IMMP2L: variants seen among roughly 807,000 people sequenced by gnomAD.
The protein encoded by IMMP2L is mitochondrial inner membrane protease subunit 2.
IMMP2L carries 18 observed loss-of-function variants against 19.3 expected under a neutral mutation model. That is an observed-to-expected ratio of 0.93 (90% CI 0.64 to 1.38). IMMP2L has a LOEUF of 1.38. Ranked by LOEUF, IMMP2L falls within the 40% of genes most tolerant of loss-of-function variation. The pLI is 0.00. For missense variants in IMMP2L, 233 were observed against 218.2 expected, an observed-to-expected ratio of 1.07 and a Z score of -0.43; for synonymous variants, 76 against 73.0, an observed-to-expected ratio of 1.04 and a Z score of -0.21.
At chr7:111,516,878 AG>A (rs1301820663) in intron 2 of IMMP2L, among the ~76,000 whole-genome samples, 6 of 152,140 alleles carry the variant, frequency 3.9e-5, no homozygotes, top group Non-Finnish European at 8.8e-5. Flanking sequence ...GACCAAGGTG[AG>A]TGACGACACA....
intron 1 of IMMP2L, among the ~76,000 whole-genome samples, chr7:111,559,063 TC>T (rs1791714916): frequency 6.6e-6 from 1 of 152,066 alleles, no homozygotes; most frequent in Non-Finnish European, 1.5e-5. Context: ...CGGTGGGCTG[TC>T]ATTTGACTAA....
chr7:110,826,517 A>G (rs1270143549), intron 5 of IMMP2L, among the ~76,000 whole-genome samples: 2 of 152,200 alleles, frequency 1.3e-5, no homozygotes, highest in African/African-American at 4.8e-5. Context: ...ATAAAAAAGG[A>G]TGAGTTCATG....
intron 3 of IMMP2L, among the ~76,000 whole-genome samples, chr7:111,250,094 C>T (rs562354376): frequency 3.3e-5 from 5 of 152,198 alleles, no homozygotes; most frequent in South Asian, 2.1e-4. Context: ...AAATCGCTAA[C>T]GTTCCTATAC....
intron 5 of IMMP2L, among the ~76,000 whole-genome samples, chr7:110,808,483 T>C (rs1383598131): frequency 6.6e-6 from 1 of 152,028 alleles, no homozygotes; most frequent in African/African-American, 2.4e-5. Flanking sequence ...AGCTATTAAT[T>C]GACTTAGCTC....
At chr7:111,165,867 T>C (rs1805763876) in intron 3 of IMMP2L, among the ~76,000 whole-genome samples, 2 of 152,034 alleles carry the variant, frequency 1.3e-5, no homozygotes, top group Admixed American at 6.6e-5. Context: ...TTATCAGGAT[T>C]ATAGTGCATT....
chr7:111,515,944 A>G (rs1845836795), intron 2 of IMMP2L, among the ~76,000 whole-genome samples: 1 of 152,150 alleles, frequency 6.6e-6, no homozygotes, highest in Admixed American at 6.5e-5. Flanking sequence ...GAGAAGGAAT[A>G]GTATAAACAG....
At chr7:110,787,752 G>C (rs183038461) in intron 5 of IMMP2L, among the ~76,000 whole-genome samples, 2 of 151,954 alleles carry the variant, frequency 1.3e-5, no homozygotes, top group Admixed American at 1.3e-4. Flanking sequence ...CTAGGTACTA[G>C]GAATAGGTCA....
rs560103349 is a variant in IMMP2L at position 111,422,469 on chromosome 7, C to T, written c.239+64769G>A. 2.6e-4 allele frequency among the ~76,000 whole-genome samples: 40 copies of T among 151,818 alleles called. 1 individual carries two copies. The highest frequency in any genetic ancestry group is 9.2e-4 in the African/African-American group (38 of 41,208). ...GGAAGTTGGATTCCTAGGTATTTTA[C>T]TCTCTTTGTAGCAATTGTGAATGGG... On this transcript the variant is annotated intron_variant, in intron 3 of 5. Coordinates refer to ENST00000405709, the MANE Select transcript of IMMP2L (RefSeq NM_032549.4).
At chr7:111,495,557 A>G (rs968690543) in intron 2 of IMMP2L, among the ~76,000 whole-genome samples, 3 of 152,170 alleles carry the variant, frequency 2.0e-5, no homozygotes, top group African/African-American at 7.2e-5. Context: ...CTAAATCCTC[A>G]GCTTGTGTCT....
intron 4 of IMMP2L, among the ~76,000 whole-genome samples, chr7:110,927,916 C>A (rs1815037602): frequency 6.6e-6 from 1 of 151,944 alleles, no homozygotes; most frequent in African/African-American, 2.4e-5. Flanking sequence ...CAGTTTTGGC[C>A]AGTAGGAAGC....
chr7:110,751,506 A>G (rs1393471471), intron 5 of IMMP2L, among the ~76,000 whole-genome samples: 1 of 152,048 alleles, frequency 6.6e-6, no homozygotes, highest in African/African-American at 2.4e-5. Context: ...CAAAAACAAG[A>G]GCACTAAAGA....
chr7:111,320,617 C>T (rs1234095916), intron 3 of IMMP2L, among the ~76,000 whole-genome samples: 1 of 152,048 alleles, frequency 6.6e-6, no homozygotes, highest in Non-Finnish European at 1.5e-5. Context: ...ACTCTTACCA[C>T]TCCCACTGTG....
At chr7:111,374,904 T>C (rs181064314) in intron 3 of IMMP2L, among the ~76,000 whole-genome samples, 2 of 152,266 alleles carry the variant, frequency 1.3e-5, no homozygotes, top group Non-Finnish European at 2.9e-5. Flanking sequence ...AAGTCTAGAC[T>C]TTTGTTTTCA....
intron 3 of IMMP2L, among the ~76,000 whole-genome samples, chr7:111,454,045 A>T (rs1439219156): frequency 6.6e-6 from 1 of 152,188 alleles, no homozygotes; most frequent in Admixed American, 6.5e-5. Context: ...GCATTCATAT[A>T]TTTAATACAT....
At chr7:110,888,763 T>C (rs1810479871) in intron 4 of IMMP2L, among the ~76,000 whole-genome samples, 2 of 152,216 alleles carry the variant, frequency 1.3e-5, no homozygotes, top group African/African-American at 4.8e-5. Flanking sequence ...TTTTCTTTTC[T>C]GAGCCTGCTA....
intron 3 of IMMP2L, among the ~76,000 whole-genome samples, chr7:111,256,361 A>G (rs1437001023): frequency 1.3e-5 from 2 of 152,214 alleles, no homozygotes; most frequent in Non-Finnish European, 2.9e-5. Flanking sequence ...TATTTGAAAA[A>G]TAATGTTTAA....
intron 3 of IMMP2L, among the ~76,000 whole-genome samples, chr7:110,990,964 G>A (rs1458068952): frequency 6.6e-6 from 1 of 151,904 alleles, no homozygotes; most frequent in African/African-American, 2.4e-5. Context: ...CCCTTTCTTT[G>A]TCCTCTCTTG....
chr7:111,250,089 G>A (rs568677668), intron 3 of IMMP2L, among the ~76,000 whole-genome samples: 4 of 152,094 alleles, frequency 2.6e-5, no homozygotes, highest in South Asian at 2.1e-4. Flanking sequence ...TGCAAAAATC[G>A]CTAACGTTCC....
intron 5 of IMMP2L, among the ~76,000 whole-genome samples, chr7:110,825,187 G>T (rs1455895518): frequency 1.3e-5 from 2 of 152,022 alleles, no homozygotes; most frequent in Non-Finnish European, 2.9e-5. Flanking sequence ...AAATAAAAGA[G>T]GACTCAAACA....
Sources: allele counts gnomAD v4.1 joint callset (sites outside exome capture counted in the v4.1 genomes callset), GRCh38; gene constraint gnomAD v4.1.1; transcripts MANE v1.5; gene names NCBI Gene and HGNC (gene_info 2026-07-23, HGNC 2026-07-21).